SLC4A4: variants seen among roughly 807,000 people sequenced by gnomAD.
SLC4A4 encodes solute carrier family 4 member 4.
A neutral mutation model predicts 111.5 loss-of-function variants in SLC4A4; 27 were observed. The observed-to-expected ratio is 0.24, with a 90% CI of 0.18 to 0.33. SLC4A4 has a LOEUF of 0.33. Ranked by LOEUF, SLC4A4 falls within the 10% of genes least tolerant of loss-of-function variation. The pLI, the probability that SLC4A4 is intolerant of heterozygous loss-of-function variation, is 1.00. For synonymous variants in SLC4A4, 443 were observed against 463.4 expected (o/e 0.96, Z 0.57); for missense variants, 909 against 1,315.5 (o/e 0.69, Z 4.78).
chr4:71,500,485 CT>C (rs535112201), intron 16 of SLC4A4, among the ~76,000 whole-genome samples: 4 of 151,744 alleles, frequency 2.6e-5, no homozygotes, highest in Admixed American at 6.6e-5. Context: ...TGGCTATTTT[CT>C]TTTTTTTGTA....
At chr4:71,140,553 C>G (rs995374181) in intron 2 of SLC4A4, among the ~76,000 whole-genome samples, 11 of 152,176 alleles carry the variant, frequency 7.2e-5, no homozygotes, top group African/African-American at 2.7e-4. Flanking sequence ...ACAGGCATCA[C>G]AAACACATTA....
At chr4:71,362,932 C>T (rs1173975252) in intron 6 of SLC4A4, among the ~76,000 whole-genome samples, 1 of 152,166 alleles carries the variant, frequency 6.6e-6, no homozygotes, top group African/African-American at 2.4e-5. Flanking sequence ...CTGATAGAAC[C>T]TCTGCATCTT....
chr4:71,453,577 G>T lies in SLC4A4; in HGVS notation c.1405G>T (p.Ala469Ser). The change falls in exon 12 of 26, where the codon GCT (alanine) becomes TCT (serine). Residue 469 changes from alanine (A) to serine (S), a missense_variant. This residue lies in a region of SLC4A4 where 312 missense variants were observed against 402.0 expected (regional missense o/e 0.78). Transcript: ENST00000264485. ...SDFYDALNIQALSAILFIYLA... is the reference protein window; with the variant it reads ...SDFYDALNIQSLSAILFIYLA... ...TTTTTATGATGCTTTAAATATTCAAGCTCTTTCGGCAATTCTCTTCATTTA... is the reference window on the plus strand; with the variant it reads ...TTTTTATGATGCTTTAAATATTCAATCTCTTTCGGCAATTCTCTTCATTTA... 3.1e-6 allele frequency: 5 copies of T among 1,613,918 alleles called. No individual in the cohort carries two copies. The South Asian group carries it at 5.5e-5, about 18-fold the overall frequency.
intron 2 of SLC4A4, among the ~76,000 whole-genome samples, chr4:71,161,815 C>T (rs1296400909): frequency 6.6e-6 from 1 of 152,116 alleles, no homozygotes; most frequent in Non-Finnish European, 1.5e-5. Flanking sequence ...GAAAGAAAGA[C>T]AACATGATGC....
At chr4:71,350,390 A>G (rs1729714606) in intron 5 of SLC4A4, among the ~76,000 whole-genome samples, 1 of 150,750 alleles carries the variant, frequency 6.6e-6, no homozygotes, top group Admixed American at 6.6e-5. Context: ...TATTATTATT[A>G]TTTTTGAGAC....
At chr4:71,262,555 T>G (rs952764350) in intron 3 of SLC4A4, among the ~76,000 whole-genome samples, 2 of 152,164 alleles carry the variant, frequency 1.3e-5, no homozygotes, top group African/African-American at 4.8e-5. Context: ...TAGCCAGCCA[T>G]GCACTGAGCG....
intron 3 of SLC4A4, among the ~76,000 whole-genome samples, chr4:71,310,010 A>T (rs1409508981): frequency 6.6e-6 from 1 of 151,974 alleles, no homozygotes; most frequent in Non-Finnish European, 1.5e-5. Flanking sequence ...GATCTGAGAA[A>T]CACAGCACGA....
chr4:71,415,817 G>T (rs983702587), intron 7 of SLC4A4, among the ~76,000 whole-genome samples: 1 of 152,110 alleles, frequency 6.6e-6, no homozygotes, highest in African/African-American at 2.4e-5. Flanking sequence ...TCCCACTGAT[G>T]CTTTCTTGAT....
At chr4:71,525,739 C>A (rs987611181) in intron 16 of SLC4A4, among the ~76,000 whole-genome samples, 1 of 152,016 alleles carries the variant, frequency 6.6e-6, no homozygotes, top group Non-Finnish European at 1.5e-5. Context: ...CTACTTTTAA[C>A]CATTACCAGT....
intron 3 of SLC4A4, among the ~76,000 whole-genome samples, chr4:71,292,757 A>G (rs1724452403): frequency 6.6e-6 from 1 of 152,150 alleles, no homozygotes; most frequent in South Asian, 2.1e-4. Context: ...AAAGATAGGT[A>G]CAAACGAAAG....
At chr4:71,456,621 T>C (rs1030162946) in intron 12 of SLC4A4, among the ~76,000 whole-genome samples, 1 of 152,184 alleles carries the variant, frequency 6.6e-6, no homozygotes, top group African/African-American at 2.4e-5. Flanking sequence ...AGTTGATTCA[T>C]TCCTTGCAAA....
In SLC4A4 at chr4:71,311,892, A is replaced by T. The variant is rs796698450; in HGVS notation, c.254-27478A>T. ...GCCTGAGCAAATGTGCAAGGCTGTG[A>T]GAGAGAGAGAGAGAGAGAGAGAGAG... On this transcript the variant is annotated intron_variant, in intron 3 of 25. Transcript: ENST00000264485. 2.5e-3 allele frequency among the ~76,000 whole-genome samples: 284 copies of T among 111,644 alleles called. 1 individual carries two copies. The highest frequency in any genetic ancestry group is 8.8e-3 in the African/African-American group (241 of 27,274). 73.2% of individuals were successfully genotyped at this position (111,644 alleles called of 152,430 possible). A position where few individuals can be genotyped will look rare whatever the true frequency, so the allele number is the denominator to read the frequency against.
At chr4:71,442,956 T>C (rs982779093) in intron 8 of SLC4A4, among the ~76,000 whole-genome samples, 1 of 151,560 alleles carries the variant, frequency 6.6e-6, no homozygotes, top group Admixed American at 6.6e-5. Flanking sequence ...CCTCTTGCCA[T>C]TCATGTGAAA....
chr4:71,537,397 T>C (rs1734637603), intron 18 of SLC4A4, among the ~76,000 whole-genome samples: 3 of 18,316 alleles, frequency 1.6e-4, no homozygotes, highest in Admixed American at 1.3e-3. Flanking sequence ...TGTGTGTATA[T>C]ATTATACATA....
At chr4:71,372,045 A>G (rs1210189773) in intron 6 of SLC4A4, among the ~76,000 whole-genome samples, 1 of 152,244 alleles carries the variant, frequency 6.6e-6, no homozygotes, top group Non-Finnish European at 1.5e-5. Context: ...AATTGTTAAC[A>G]TGGACTTAAA....
chr4:71,231,577 C>T (rs1158387519), intron 1 of SLC4A4, among the ~76,000 whole-genome samples: 1 of 152,166 alleles, frequency 6.6e-6, no homozygotes, highest in East Asian at 1.9e-4. Flanking sequence ...GGTCAGAGGC[C>T]TGGCTGAAGG....
intron 3 of SLC4A4, chr4:71,300,592 G>A (rs776915288): frequency 6.5e-5 from 18 of 277,238 alleles, no homozygotes; most frequent in African/African-American, 9.0e-5. Context: ...AAGTGCCAGG[G>A]GCAGCTGCCG....
In SLC4A4 at chr4:71,165,738, A is replaced by G. The variant is rs58019361; in HGVS notation, c.-1-70838A>G. Among the ~76,000 whole-genome samples the G allele has an allele frequency of 9.7e-3, 1,482 of 152,236 alleles. 28 individuals carry two copies. Among genetic ancestry groups the G allele is most frequent in the African/African-American group, 0.034 (1,405 of 41,494 alleles). On this transcript the variant is annotated intron_variant, in intron 2 of 26. Coordinates refer to the SLC4A4 transcript ENST00000649996. ...AAAATGAATTTAACTAATAAAAAAA[A>G]CATTATTTTGAAATTCTTCTTGTTA... is the stretch of plus-strand genomic sequence containing the variant.
chr4:71,536,464 A>ATAT, intron 18 of SLC4A4, among the ~76,000 whole-genome samples: 1 of 53,330 alleles, frequency 1.9e-5, no homozygotes, highest in Non-Finnish European at 3.8e-5. Flanking sequence ...ATACATATAT[A>ATAT]CATATATATA....
Sources: allele counts gnomAD v4.1 joint callset (sites outside exome capture counted in the v4.1 genomes callset), GRCh38; gene constraint gnomAD v4.1.1; regional missense constraint gnomAD v4.1.1; transcripts MANE v1.5; gene names NCBI Gene and HGNC (gene_info 2026-07-23, HGNC 2026-07-21).